Variants in NFKBIZ observed in about 807,000 individuals in gnomAD.
NFKBIZ encodes NF-kappa-B inhibitor zeta.
NFKBIZ carries 19 observed loss-of-function variants against 76.8 expected under a neutral mutation model. That is an observed-to-expected ratio of 0.25 (90% confidence interval 0.17 to 0.36). NFKBIZ has a LOEUF of 0.36. Ranked by LOEUF, NFKBIZ falls within the 10% of genes least tolerant of loss-of-function variation. The pLI is 1.00. For synonymous variants in NFKBIZ, 368 were observed against 354.8 expected (o/e 1.04, Z -0.42); for missense variants, 829 against 910.9 (o/e 0.91, Z 1.16).
At chr3:101,830,185 A>G (rs550996696) in intron 2 of NFKBIZ, among the ~76,000 whole-genome samples, 3 of 152,200 alleles carry the variant, frequency 2.0e-5, no homozygotes, top group Non-Finnish European at 4.4e-5. Context: ...AGGGAATGAA[A>G]ATATTTACTG....
In NFKBIZ at chr3:101,842,881, G is replaced by A. The variant is rs1291020645; in HGVS notation, c.-11-9204G>A. On this transcript the variant is annotated intron_variant, in intron 2 of 12. Coordinates refer to the NFKBIZ transcript ENST00000394054. ...GAAATTAGAGATGGAGAAGAGAGGA[G>A]GGTTTCAGAACCAGGTGTTCAACAA... Among the ~76,000 whole-genome samples the A allele has an allele frequency of 2.6e-5, 4 of 151,556 alleles. No homozygotes were observed. In the South Asian group the frequency reaches 8.3e-4, roughly 32 times the overall value.
chr3:101,853,019 T>C (rs941683907), intron 4 of NFKBIZ, 30 bp downstream of exon 4: 2 of 1,613,404 alleles, frequency 1.2e-6, no homozygotes, highest in Non-Finnish European at 1.7e-6. Context: ...CCTCTGACTA[T>C]CCTTTGGAAA....
At position 101,849,773 on chromosome 3, in the gene NFKBIZ, G is replaced by C; in HGVS notation, c.145G>C (p.Asp49His). ...SPPAAAPGAC[D>H]ASCSVLGPSA... ...GCCCGCCGCCGCCCCGGGCGCCTGC[G>C]ACGCCAGCTGCTCGGTCTTGGGCCC... is the stretch of plus-strand genomic sequence containing the variant. The change falls in exon 1 of 12, where the codon GAC becomes CAC. Residue 49 changes from aspartate to histidine, a missense_variant. This residue lies in a region of NFKBIZ where 181 missense variants were observed against 175.3 expected (regional missense o/e 1.03). Transcript: ENST00000326172. 1.4e-6 allele frequency: 2 copies of C among 1,455,046 alleles called. No individual in the cohort carries two copies. Among genetic ancestry groups the C allele is most frequent in the Non-Finnish European group, 1.8e-6 (2 of 1,109,340 alleles). 90.1% of individuals were successfully genotyped at this position (1,455,046 alleles called of 1,614,324 possible).
intron 1 of NFKBIZ, chr3:101,850,358 C>A: frequency 6.4e-6 from 1 of 156,264 alleles, no homozygotes; most frequent in Non-Finnish European, 1.4e-5. Flanking sequence ...TGACTTATTT[C>A]TCAGTTTTTA....
At chr3:101,858,208 T>C in intron 11 of NFKBIZ, 2 of 985,422 alleles carry the variant, frequency 2.0e-6, no homozygotes, top group Non-Finnish European at 2.4e-6. Flanking sequence ...ATACGTGGAA[T>C]GCAGTTTAGC....
chr3:101,840,271 T>G (rs962610457), intron 2 of NFKBIZ, among the ~76,000 whole-genome samples: 5 of 152,184 alleles, frequency 3.3e-5, no homozygotes, highest in African/African-American at 1.2e-4. Flanking sequence ...TACTTCATTT[T>G]TACCTCTTGG....
intron 11 of NFKBIZ, chr3:101,858,505 C>T (rs777004068): frequency 1.2e-4 from 104 of 896,494 alleles, no homozygotes; most frequent in Non-Finnish European, 1.4e-4. Flanking sequence ...TAACTATGCT[C>T]TCAGGGATCA....
At chr3:101,849,490 C>T (rs918568913), upstream of NFKBIZ, 11 of 704,238 alleles carry the variant, frequency 1.6e-5, no homozygotes, top group Non-Finnish European at 2.2e-5. Flanking sequence ...CCGTTAAATA[C>T]CCTGGCAGTC....
intron 2 of NFKBIZ, among the ~76,000 whole-genome samples, chr3:101,839,437 CAT>C (rs1384194585): frequency 6.6e-6 from 1 of 152,128 alleles, no homozygotes; most frequent in African/African-American, 2.4e-5. Context: ...TTTTGCAAAA[CAT>C]AAATTCTAAT....
intron 2 of NFKBIZ, among the ~76,000 whole-genome samples, chr3:101,841,859 A>G (rs943822105): frequency 1.3e-5 from 2 of 152,218 alleles, no homozygotes; most frequent in African/African-American, 4.8e-5. Flanking sequence ...TTCTAATTCA[A>G]GGGGCCAAAG....
intron 2 of NFKBIZ, among the ~76,000 whole-genome samples, chr3:101,833,002 C>G (rs1942666767): frequency 1.3e-5 from 2 of 152,188 alleles, no homozygotes; most frequent in South Asian, 4.1e-4. Flanking sequence ...CTGAGTAAAT[C>G]TGCGCAGTGA....
At chr3:101,855,682 A>G (rs764996087) in intron 8 of NFKBIZ, 51 bp from the exon 9 acceptor site, 2 of 1,536,228 alleles carry the variant, frequency 1.3e-6, no homozygotes, top group Non-Finnish European at 1.8e-6. Flanking sequence ...TAGAAGGACC[A>G]AAAGACCTGA....
chr3:101,833,258 A>G (rs1219843892), intron 2 of NFKBIZ, among the ~76,000 whole-genome samples: 2 of 152,188 alleles, frequency 1.3e-5, no homozygotes, highest in African/African-American at 4.8e-5. Flanking sequence ...TACAAAGGTG[A>G]TCCATAGATG....
At chr3:101,840,445 C>A (rs1053260809) in intron 2 of NFKBIZ, among the ~76,000 whole-genome samples, 4 of 152,122 alleles carry the variant, frequency 2.6e-5, no homozygotes, top group African/African-American at 9.7e-5. Flanking sequence ...ACACAGGTAG[C>A]CCTTCAGACT....
At position 101,857,381 on chromosome 3, in the gene NFKBIZ, G is replaced by A. The variant is rs769555357; in HGVS notation, c.2025G>A (p.Lys675=). The A allele has an allele frequency of 4.3e-6, 7 of 1,614,256 alleles. No homozygotes were observed. The highest frequency in any genetic ancestry group is 5.9e-6 in the Non-Finnish European group (7 of 1,180,048). The part of the protein sequence containing the change: ...QLDAVRLLMR[K]GADPSTRNLE... ...ATGCTGTCCGCCTGTTGATGAGGAA[G>A]GGAGCAGACCCAAGTACTCGGAACT... Residue 675 remains lysine (K), a synonymous_variant, in exon 11 of 12, where the codon AAG becomes AAA. Transcript: ENST00000326172.
intron 2 of NFKBIZ, among the ~76,000 whole-genome samples, chr3:101,837,612 C>T (rs528383716): frequency 3.2e-4 from 49 of 151,916 alleles, no homozygotes; most frequent in Non-Finnish European, 5.3e-4. Context: ...TTGAGAATCA[C>T]AGAAGAAAGA....
At chr3:101,850,949 G>T (rs372171435) in intron 1 of NFKBIZ, among the ~76,000 whole-genome samples, 10 of 152,192 alleles carry the variant, frequency 6.6e-5, no homozygotes, top group East Asian at 3.8e-4. Context: ...AGCCACAGGG[G>T]ATTTCTGAAA....
At chr3:101,852,045 G>C (rs770190982) in intron 1 of NFKBIZ, 40 bp from the exon 2 acceptor site, 3 of 1,599,586 alleles carry the variant, frequency 1.9e-6, no homozygotes, top group Non-Finnish European at 2.6e-6. Context: ...TGTCTGTGAA[G>C]ATATTTAACC....
intron 2 of NFKBIZ, among the ~76,000 whole-genome samples, chr3:101,830,330 TG>T (rs1416808743): frequency 1.3e-5 from 2 of 152,210 alleles, no homozygotes; most frequent in African/African-American, 4.8e-5. Context: ...TATTTATTTT[TG>T]TAACTTCAAC....
Sources: gnomAD v4.1 joint callset for allele counts (sites outside exome capture counted in the v4.1 genomes callset) on GRCh38, gnomAD v4.1.1 for gene constraint, gnomAD v4.1.1 regional missense constraint, MANE v1.5 for transcripts, NCBI Gene and HGNC (gene_info 2026-07-23, HGNC 2026-07-21) for gene names.